Variants in HLCS observed in about 807,000 individuals in gnomAD.
HLCS encodes biotin--protein ligase.
A neutral mutation model predicts 75.0 loss-of-function variants in HLCS; 53 were observed. The ratio of observed to expected loss-of-function variants is 0.71; its 90% CI spans 0.57 to 0.89. The LOEUF is 0.89. Ranked by LOEUF, HLCS falls within the 40% of genes least tolerant of loss-of-function variation. HLCS has a pLI of 0.00. For missense variants in HLCS, 966 were observed against 1,074.0 expected (o/e 0.90, Z 1.41); for synonymous variants, 431 against 428.6 (o/e 1.01, Z -0.07).
intron 6 of HLCS, among the ~76,000 whole-genome samples, chr21:36,786,803 C>T (rs1277902139): frequency 1.3e-5 from 2 of 152,194 alleles, no homozygotes; most frequent in Non-Finnish European, 2.9e-5. Flanking sequence ...CCAAGGAAAT[C>T]GTAAGCAAAA....
At position 36,959,641 on chromosome 21, in the gene HLCS, C is replaced by T. The variant is rs549310619; in HGVS notation, c.330+2395G>A. Among the ~76,000 whole-genome samples, 29 of 152,268 alleles carry T rather than the reference C, an allele frequency of 1.9e-4. No individual in the cohort carries two copies. The South Asian group carries it at 3.5e-3, about 19-fold the overall frequency. ...ATGGCTGCCCATGGACCAATCAGCA[C>T]GCGCTTCCTCCCTTCTGAGCCCATG... is the stretch of plus-strand genomic sequence containing the variant. On this transcript the variant is annotated intron_variant, in intron 2 of 10. Transcript: ENST00000674895.
upstream of HLCS, among the ~76,000 whole-genome samples, chr21:36,967,135 T>C (rs557944925): frequency 5.9e-5 from 9 of 152,180 alleles, no homozygotes; most frequent in African/African-American, 1.9e-4. Context: ...GGGCTCTGCC[T>C]ATGTTCATAG....
At chr21:36,778,302 CAG>C (rs201909738) in intron 6 of HLCS, among the ~76,000 whole-genome samples, 1,942 of 150,508 alleles carry the variant, frequency 0.013, 13 homozygotes, top group Non-Finnish European at 0.02. Flanking sequence ...TTTTTTGAGA[CAG>C]AGTCTCACTC....
intron 6 of HLCS, among the ~76,000 whole-genome samples, chr21:36,894,958 G>A (rs1002592141): frequency 1.3e-5 from 2 of 151,922 alleles, no homozygotes; most frequent in Admixed American, 6.6e-5. Context: ...GCTGGACAGC[G>A]TGTGGTGAAG....
At chr21:36,895,769 T>C (rs1003342252) in intron 6 of HLCS, among the ~76,000 whole-genome samples, 3 of 152,212 alleles carry the variant, frequency 2.0e-5, no homozygotes, top group African/African-American at 4.8e-5. Context: ...TGTGGTCCCA[T>C]GAGTGAAATG....
chr21:36,927,411 T>C (rs1023792403), intron 5 of HLCS, among the ~76,000 whole-genome samples: 2 of 152,246 alleles, frequency 1.3e-5, no homozygotes, highest in Non-Finnish European at 2.9e-5. Context: ...CTTTGGGTCT[T>C]GCTACTATTC....
intron 6 of HLCS, among the ~76,000 whole-genome samples, chr21:36,789,392 C>T (rs1430108824): frequency 1.3e-5 from 2 of 152,130 alleles, no homozygotes; most frequent in Admixed American, 1.3e-4. Context: ...AAATGTAGTT[C>T]TACTTATTTT....
In HLCS at chr21:36,829,557, T is replaced by C. The variant is rs549595450; in HGVS notation, c.1893-62272A>G. ...GATATTACTGAATATTAATATACTATACAGATATTTGTAACTATGCAGACA... is the reference window on the plus strand; with the variant it reads ...GATATTACTGAATATTAATATACTACACAGATATTTGTAACTATGCAGACA... On this transcript the variant is annotated intron_variant, in intron 6 of 10. Coordinates refer to ENST00000674895, the MANE Select transcript of HLCS (RefSeq NM_001352514.2). Among the ~76,000 whole-genome samples the C allele has an allele frequency of 5.1e-4, 77 of 152,364 alleles. 1 individual carries two copies. The highest frequency in any genetic ancestry group is 1.7e-3 in the African/African-American group (69 of 41,592).
chr21:36,983,767 G>A (rs1443563896), intron 1 of HLCS, among the ~76,000 whole-genome samples: 1 of 151,680 alleles, frequency 6.6e-6, no homozygotes, highest in Non-Finnish European at 1.5e-5. Context: ...AACCCGGGAG[G>A]CAGAGCTTGC....
In HLCS at chr21:36,982,930, G is replaced by A. The variant is rs558624998; in HGVS notation, c.-393+7228C>T. Among the ~76,000 whole-genome samples the A allele has an allele frequency of 1.8e-4, 28 of 152,270 alleles. 1 individual carries two copies. In the East Asian group the frequency reaches 5.4e-3, roughly 29 times the overall value. ...TGTAATCCCAGCTACTCGGGAAGCTGAGGCAGAGAATTGCTTAAACCCAGA... is the reference window on the plus strand; with the variant it reads ...TGTAATCCCAGCTACTCGGGAAGCTAAGGCAGAGAATTGCTTAAACCCAGA... On this transcript the variant is annotated intron_variant, in intron 1 of 11. Coordinates refer to the HLCS transcript ENST00000336648.
chr21:36,827,664 A>G (rs1352949349), intron 6 of HLCS, among the ~76,000 whole-genome samples: 1 of 151,890 alleles, frequency 6.6e-6, no homozygotes, highest in African/African-American at 2.4e-5. Flanking sequence ...GCAGAAGGAA[A>G]CTCAGTTCTC....
chr21:36,926,231 G>A (rs76713970), intron 5 of HLCS, among the ~76,000 whole-genome samples: 3,790 of 152,176 alleles, frequency 0.025, 153 homozygotes, highest in African/African-American at 0.087. Flanking sequence ...GCAGGGGTAG[G>A]GCACCCAGGG....
chr21:36,978,793 C>T (rs1308570442), intron 1 of HLCS, among the ~76,000 whole-genome samples: 2 of 152,186 alleles, frequency 1.3e-5, no homozygotes, highest in African/African-American at 4.8e-5. Context: ...TGTTCAACAG[C>T]GGACTCAGCT....
At chr21:36,774,197 G>A (rs981638499) in intron 6 of HLCS, among the ~76,000 whole-genome samples, 5 of 152,144 alleles carry the variant, frequency 3.3e-5, no homozygotes, top group African/African-American at 9.7e-5. Context: ...CAGGGTCCAC[G>A]GCACAAAGCT....
intron 6 of HLCS, among the ~76,000 whole-genome samples, chr21:36,880,807 G>A (rs571106704): frequency 2.0e-5 from 3 of 152,034 alleles, no homozygotes; most frequent in African/African-American, 7.2e-5. Context: ...CTCCACATCT[G>A]CCCAAACTCC....
chr21:36,982,676 G>C (rs1022592506), intron 1 of HLCS, among the ~76,000 whole-genome samples: 2 of 152,094 alleles, frequency 1.3e-5, no homozygotes, highest in Non-Finnish European at 2.9e-5. Context: ...CTAAATTTAC[G>C]CATTGTAGCT....
intron 6 of HLCS, among the ~76,000 whole-genome samples, chr21:36,807,554 GC>G (rs1205333472): frequency 6.6e-6 from 1 of 152,158 alleles, no homozygotes; most frequent in African/African-American, 2.4e-5. Context: ...GCCTGGTGTG[GC>G]TGCTGCCACT....
At chr21:36,977,499 T>C (rs779407128) in intron 1 of HLCS, among the ~76,000 whole-genome samples, 1 of 152,234 alleles carries the variant, frequency 6.6e-6, no homozygotes, top group Non-Finnish European at 1.5e-5. Context: ...GTTTCACTTT[T>C]AAAGGGTTTG....
intron 8 of HLCS, among the ~76,000 whole-genome samples, chr21:36,761,976 A>G (rs2089864029): frequency 6.6e-6 from 1 of 152,220 alleles, no homozygotes; most frequent in Non-Finnish European, 1.5e-5. Flanking sequence ...TCGGCTCATG[A>G]AGCAGCTCAT....
Sources: gnomAD v4.1 joint callset for allele counts (sites outside exome capture counted in the v4.1 genomes callset) on GRCh38, gnomAD v4.1.1 for gene constraint, MANE v1.5 for transcripts, NCBI Gene and HGNC (gene_info 2026-07-23, HGNC 2026-07-21) for gene names.